EMB: variants seen among roughly 807,000 people sequenced by gnomAD.
EMB encodes embigin homolog.
In EMB, 31 loss-of-function variants were observed where a neutral mutation model predicts 41.4. The observed-to-expected ratio is 0.75, with a 90% CI of 0.56 to 1.01. EMB has a LOEUF of 1.01. Among genes scored for constraint, EMB ranks in the 50% least tolerant of loss-of-function variants. The pLI, the probability that EMB is intolerant of heterozygous loss-of-function variation, is 0.00. For synonymous variants in EMB, 137 were observed against 140.4 expected (o/e 0.98, Z 0.17); for missense variants, 379 against 388.3 (o/e 0.98, Z 0.20).
intron 1 of EMB, among the ~76,000 whole-genome samples, chr5:50,434,189 C>T (rs1561141382): frequency 6.6e-6 from 1 of 152,180 alleles, no homozygotes; most frequent in South Asian, 2.1e-4. Flanking sequence ...TATGTAGAGG[C>T]CAGGGATACT....
chr5:50,397,910 A>C lies in EMB; in HGVS notation c.*1363T>G, dbSNP rs1745097625. The C allele has an allele frequency of 6.6e-6, 1 of 152,036 alleles. No homozygotes were observed. Among genetic ancestry groups the C allele is most frequent in the Non-Finnish European group, 1.5e-5 (1 of 67,980 alleles). 9.4% of individuals were successfully genotyped at this position (152,036 alleles called of 1,614,324 possible). The stretch of plus-strand genomic sequence containing the variant: ...CTACCTTATGTGTATTATTCATACT[A>C]GTAATATTGGTAAACATTAGTGATA... On this transcript the variant is annotated 3_prime_UTR_variant, in exon 9 of 9. Coordinates refer to ENST00000303221, the MANE Select transcript of EMB (RefSeq NM_198449.3).
In EMB at chr5:50,411,390, G is replaced by C; in HGVS notation, c.197-7C>G. Reference sequence around the variant, plus strand: ...ACTGGCATACTAGAATGTTCTATTAGCACAAAAGAGGACAAAATGTGAAAG... The same window carrying C: ...ACTGGCATACTAGAATGTTCTATTACCACAAAAGAGGACAAAATGTGAAAG... On this transcript the variant is annotated splice_region_variant and splice_polypyrimidine_tract_variant and intron_variant, in intron 2 of 8. Coordinates refer to ENST00000303221, the MANE Select transcript of EMB (RefSeq NM_198449.3). The C allele has an allele frequency of 6.4e-7, 1 of 1,556,424 alleles. No individual in the cohort carries two copies. The highest frequency in any genetic ancestry group is 2.3e-5 in the East Asian group (1 of 43,486).
chr5:50,403,352 A>C lies in EMB; in HGVS notation c.703T>G (p.Tyr235Asp), dbSNP rs201853456. The C allele has an allele frequency of 2.5e-6, 4 of 1,612,736 alleles. No homozygotes were observed. The highest frequency in any genetic ancestry group is 3.4e-6 in the Non-Finnish European group (4 of 1,179,198). Residue 235 changes from tyrosine (Y) to aspartate (D), a missense_variant, in exon 6 of 9, where the codon TAC (tyrosine) becomes GAC (aspartate). By Grantham distance (160) the Tyr-to-Asp change is radical (BLOSUM62 -3). Transcript: ENST00000303221. ...AATTGGAATAGTGCACGGCACCAGT[A>C]AGATTCCCCATCTTCCTCCAAAAGT... ...TQLLEEDGES[Y>D]WCRALFQLGE...
At chr5:50,405,928 TCTC>T in intron 4 of EMB, 76 bp from the exon 5 acceptor site, 1 of 1,451,652 alleles carries the variant, frequency 6.9e-7, no homozygotes. Context: ...GCAAATATTG[TCTC>T]CTTTCATTTT....
At chr5:50,412,781 T>C (rs1396434211) in intron 2 of EMB, among the ~76,000 whole-genome samples, 1 of 152,008 alleles carries the variant, frequency 6.6e-6, no homozygotes. Flanking sequence ...CCTGACAGTT[T>C]GGCAAGGAAT....
upstream of EMB, chr5:50,441,421 C>G (rs764020847): frequency 3.6e-6 from 1 of 281,558 alleles, no homozygotes; most frequent in Admixed American, 5.3e-5. Context: ...TGCTACTTCC[C>G]GGCTGCAGCC....
intron 4 of EMB, among the ~76,000 whole-genome samples, chr5:50,410,534 A>C (rs1222283568): frequency 6.6e-6 from 1 of 152,114 alleles, no homozygotes; most frequent in African/African-American, 2.4e-5. Flanking sequence ...AGAGGCTGGG[A>C]CCACAATAAC....
rs1190709514 is a variant in EMB, at chr5:50,398,001, G to T, written c.*1272C>A. 3 of 151,782 alleles carry T rather than the reference G, an allele frequency of 2.0e-5. No individual in the cohort carries two copies. In the East Asian group the frequency reaches 5.8e-4, roughly 29 times the overall value. 9.4% of individuals were successfully genotyped at this position (151,782 alleles called of 1,614,324 possible). ...AATACATGGAGCAAATTTTTATAAA[G>T]TATTTCTTGTCAAATCATTGAATTC... On this transcript the variant is annotated 3_prime_UTR_variant, in exon 9 of 9. Coordinates refer to ENST00000303221, the MANE Select transcript of EMB (RefSeq NM_198449.3).
At chr5:50,406,774 C>T (rs947263640) in intron 4 of EMB, among the ~76,000 whole-genome samples, 46 of 151,664 alleles carry the variant, frequency 3.0e-4, no homozygotes, top group African/African-American at 1.1e-3. Context: ...TGCGCACATG[C>T]GTGTGTTTGT....
chr5:50,406,423 T>A (rs1383919045), intron 4 of EMB, among the ~76,000 whole-genome samples: 4 of 151,722 alleles, frequency 2.6e-5, no homozygotes, highest in African/African-American at 9.7e-5. Context: ...AATATATATA[T>A]ATATACACTA....
chr5:50,412,882 G>GT (rs1745365393), intron 2 of EMB, among the ~76,000 whole-genome samples: 1 of 139,432 alleles, frequency 7.2e-6, no homozygotes, highest in Non-Finnish European at 1.5e-5. Flanking sequence ...GTAAGTACAA[G>GT]CTTTTTTTTT....
upstream of EMB, chr5:50,441,379 G>C (rs1745911227): frequency 2.9e-6 from 1 of 345,792 alleles, no homozygotes; most frequent in African/African-American, 2.1e-5. Flanking sequence ...GCCCTCAGCC[G>C]GCTGCTGGCG....
Position 50,402,335 on chromosome 5 carries a change from A to C in EMB, c.878-16T>G. The C allele has an allele frequency of 6.2e-7, 1 of 1,608,034 alleles. No homozygotes were observed. Among genetic ancestry groups the C allele is most frequent in the Non-Finnish European group, 8.5e-7 (1 of 1,175,476 alleles). On this transcript the variant is annotated splice_polypyrimidine_tract_variant and intron_variant, in intron 6 of 8. Coordinates refer to ENST00000303221, the MANE Select transcript of EMB (RefSeq NM_198449.3). Reference sequence around the variant, plus strand: ...TTCCCCTCATCTGTGTAACAAAAGAAGAATTTGACTGTGAAGTTGGTTTGT... The same window carrying C: ...TTCCCCTCATCTGTGTAACAAAAGACGAATTTGACTGTGAAGTTGGTTTGT...
chr5:50,414,089 A>AG (rs1219697897), intron 2 of EMB, among the ~76,000 whole-genome samples: 1 of 152,212 alleles, frequency 6.6e-6, no homozygotes, highest in African/African-American at 2.4e-5. Flanking sequence ...ATTACTCTTA[A>AG]GGGGAAGAGA....
chr5:50,423,934 C>T (rs1176202978), intron 2 of EMB, among the ~76,000 whole-genome samples: 1 of 152,164 alleles, frequency 6.6e-6, no homozygotes, highest in African/African-American at 2.4e-5. Context: ...GCCAACTTGT[C>T]ATCTTGTGCT....
chr5:50,411,064 T>C (rs1745328360), intron 3 of EMB, 99 bp from the exon 4 acceptor site: 12 of 1,206,842 alleles, frequency 9.9e-6, no homozygotes, highest in Non-Finnish European at 1.3e-5. Flanking sequence ...AGAGAAATAA[T>C]TCTGTAAATA....
chr5:50,416,875 C>T (rs1170018103), intron 2 of EMB, among the ~76,000 whole-genome samples: 2 of 152,102 alleles, frequency 1.3e-5, no homozygotes, highest in Non-Finnish European at 1.5e-5. Context: ...ATGGCAATGA[C>T]CCAGAAGTTA....
At chr5:50,408,378 G>C (rs1272175009) in intron 4 of EMB, among the ~76,000 whole-genome samples, 1 of 151,950 alleles carries the variant, frequency 6.6e-6, no homozygotes, top group Non-Finnish European at 1.5e-5. Flanking sequence ...CTTATTAGCA[G>C]TCACAAACTT....
rs1416904777 is a variant in EMB, at chr5:50,398,820, T to C, written c.*453A>G. 6.6e-6 allele frequency: 1 copy of C among 152,598 alleles called. No homozygotes were observed. Among genetic ancestry groups the C allele is most frequent in the African/African-American group, 2.4e-5 (1 of 41,434 alleles). 9.5% of individuals were successfully genotyped at this position (152,598 alleles called of 1,614,324 possible). Reference sequence around the variant, plus strand: ...TTTCACTATCACAGAAAGATGACCTTTACATAAAAATTGTTACATATACTT... The same window carrying C: ...TTTCACTATCACAGAAAGATGACCTCTACATAAAAATTGTTACATATACTT... On this transcript the variant is annotated 3_prime_UTR_variant, in exon 9 of 9. Coordinates refer to ENST00000303221, the MANE Select transcript of EMB (RefSeq NM_198449.3).
Sources: allele counts gnomAD v4.1 joint callset (sites outside exome capture counted in the v4.1 genomes callset), GRCh38; gene constraint gnomAD v4.1.1; transcripts MANE v1.5; gene names NCBI Gene and HGNC (gene_info 2026-07-23, HGNC 2026-07-21).